The following AP3B1 variants were observed in gnomAD, a reference collection of about 807,000 sequenced individuals.
AP3B1 encodes AP-3 complex subunit beta-1.
In AP3B1, 61 loss-of-function variants were observed where a neutral mutation model predicts 132.5. The observed-to-expected ratio is 0.46, with a 90% CI of 0.37 to 0.57. AP3B1 has a LOEUF of 0.57. Among genes scored for constraint, AP3B1 ranks in the 20% least tolerant of loss-of-function variants. AP3B1 has a pLI of 0.00. For synonymous variants in AP3B1, 388 were observed against 438.3 expected (o/e 0.89, Z 1.43); for missense variants, 1,120 against 1,289.4 (o/e 0.87, Z 2.01).
intron 22 of AP3B1, among the ~76,000 whole-genome samples, chr5:78,068,357 AAAG>A (rs1419266870): frequency 1.5e-5 from 2 of 136,734 alleles, no homozygotes; most frequent in African/African-American, 2.8e-5. Flanking sequence ...AAAGAAGAAG[AAAG>A]AAGGAGAAGG....
chr5:78,229,755 T>C (rs1383263939), intron 3 of AP3B1, among the ~76,000 whole-genome samples: 1 of 151,328 alleles, frequency 6.6e-6, no homozygotes, highest in Admixed American at 6.6e-5. Flanking sequence ...TTTAAAAAAT[T>C]TAAAATTAAA....
chr5:78,244,393 ACAGAGTTTGAGACTC>A (rs982393095), intron 2 of AP3B1, among the ~76,000 whole-genome samples: 15 of 152,134 alleles, frequency 9.9e-5, no homozygotes, highest in African/African-American at 2.9e-4. Flanking sequence ...AGCCTGTGTG[ACAGAGTTTGAGACTC>A]CAACTCAAAA....
chr5:78,032,984 A>C (rs1336760135), intron 24 of AP3B1, among the ~76,000 whole-genome samples: 1 of 152,144 alleles, frequency 6.6e-6, no homozygotes, highest in Non-Finnish European at 1.5e-5. Flanking sequence ...TGTTCAAGAG[A>C]CTATAAAGGA....
intron 11 of AP3B1, among the ~76,000 whole-genome samples, chr5:78,169,582 C>A (rs897207394): frequency 6.6e-6 from 1 of 151,990 alleles, no homozygotes; most frequent in Non-Finnish European, 1.5e-5. Flanking sequence ...ACATCGGCCA[C>A]CACGCCTGGC....
chr5:78,021,043 A>G (rs1375209594), intron 24 of AP3B1, among the ~76,000 whole-genome samples: 1 of 152,108 alleles, frequency 6.6e-6, no homozygotes, highest in African/African-American at 2.4e-5. Flanking sequence ...ATCCCATTTG[A>G]AAAAGAACTT....
In AP3B1 at chr5:78,175,835, C is replaced by T. The variant is rs762833490; in HGVS notation, c.1044G>A (p.Glu348=). ...SLVRLLRSNR[E]VQYIVLQNIA... ...TATTTTGTAGGACAATATACTGCAC[C>T]TCCCTAGAAATCAAAAGATAATTTT... Residue 348 remains glutamate (E), a synonymous_variant, in exon 10 of 27, where the codon GAG becomes GAA. Transcript: ENST00000255194. The T allele has an allele frequency of 6.2e-7, 1 of 1,609,180 alleles. No individual in the cohort carries two copies. Among genetic ancestry groups the T allele is most frequent in the South Asian group, 1.1e-5 (1 of 90,934 alleles).
At position 78,251,831 on chromosome 5, in the gene AP3B1, A is replaced by G. The variant is rs558502637; in HGVS notation, c.205-10895T>C. Among the ~76,000 whole-genome samples, 62 of 152,326 alleles carry G rather than the reference A, an allele frequency of 4.1e-4. No individual in the cohort carries two copies. In the South Asian group the frequency reaches 0.011, roughly 28 times the overall value. On this transcript the variant is annotated intron_variant, in intron 2 of 26. Transcript: ENST00000255194. ...AGAGACAATGGAGGGAGCACGCAAC[A>G]TACTGAGATACCACCTGGGGCAGCC...
At chr5:78,279,726 T>C (rs1002674894) in intron 1 of AP3B1, among the ~76,000 whole-genome samples, 1 of 150,536 alleles carries the variant, frequency 6.6e-6, no homozygotes, top group African/African-American at 2.4e-5. Context: ...CTGGGCAACA[T>C]AGGGAGACCT....
chr5:78,162,892 T>C lies in AP3B1; in HGVS notation c.1290A>G (p.Arg430=). The change falls in exon 13 of 27, where the codon AGA becomes AGG. Residue 430 remains arginine, a synonymous_variant. Transcript: ENST00000255194. ...FAAATIQTIG[R]CATNILEVTD... ...TGACTTCCAAGATGTTGGTTGCACA[T>C]CTGCCTATAGTCTGAATAGTGGCTG... The C allele has an allele frequency of 6.2e-7, 1 of 1,613,974 alleles. No homozygotes were observed. Among genetic ancestry groups the C allele is most frequent in the East Asian group, 2.2e-5 (1 of 44,884 alleles).
chr5:78,278,951 T>C (rs1580584807), intron 1 of AP3B1, among the ~76,000 whole-genome samples: 2 of 152,148 alleles, frequency 1.3e-5, no homozygotes, highest in Non-Finnish European at 2.9e-5. Context: ...CCCCCTTCCA[T>C]GGAAAAACTG....
At position 78,002,545 on chromosome 5, in the gene AP3B1, GGAA is replaced by G. The variant is rs1227553036; in HGVS notation, c.*354_*356del. On this transcript the variant is annotated 3_prime_UTR_variant, in exon 27 of 27. Transcript: ENST00000255194. ...TGCTAATTTTTGCTTACTGCTGTAG[GGAA>G]GAAGATTTCCAATGAACTTTAAATA... The G allele has an allele frequency of 1.1e-5, 6 of 534,424 alleles. No homozygotes were observed. Among genetic ancestry groups the G allele is most frequent in the African/African-American group, 1.9e-5 (1 of 52,668 alleles). 33.1% of individuals were successfully genotyped at this position (534,424 alleles called of 1,614,324 possible). A position where few individuals can be genotyped will look rare whatever the true frequency, so the allele number is the denominator to read the frequency against.
chr5:78,036,478 G>C (rs963410639), intron 23 of AP3B1, among the ~76,000 whole-genome samples: 6 of 152,076 alleles, frequency 3.9e-5, no homozygotes, highest in African/African-American at 1.4e-4. Flanking sequence ...TTACTTTGAT[G>C]TAACAGTTGT....
chr5:78,169,814 T>C (rs1743832317), intron 11 of AP3B1, among the ~76,000 whole-genome samples: 1 of 152,074 alleles, frequency 6.6e-6, no homozygotes, highest in Admixed American at 6.6e-5. Context: ...CGTGCAGGTT[T>C]GATACATAGG....
At chr5:78,293,587 C>T (rs1377944050) in intron 1 of AP3B1, among the ~76,000 whole-genome samples, 1 of 152,170 alleles carries the variant, frequency 6.6e-6, no homozygotes, top group Non-Finnish European at 1.5e-5. Context: ...CACAGCTATT[C>T]TACCTTAATT....
intron 15 of AP3B1, among the ~76,000 whole-genome samples, chr5:78,129,674 A>G (rs898122181): frequency 7.2e-5 from 11 of 152,136 alleles, no homozygotes; most frequent in Non-Finnish European, 1.5e-4. Flanking sequence ...ACTTAATCGG[A>G]AAAATATGCA....
intron 7 of AP3B1, among the ~76,000 whole-genome samples, chr5:78,202,997 GA>G (rs1280074185): frequency 6.6e-6 from 1 of 152,154 alleles, no homozygotes; most frequent in East Asian, 1.9e-4. Context: ...TTTTGCCAAA[GA>G]AGAACTTACT....
chr5:78,201,714 C>T (rs183615859), intron 7 of AP3B1, among the ~76,000 whole-genome samples: 5 of 152,026 alleles, frequency 3.3e-5, no homozygotes, highest in African/African-American at 1.2e-4. Context: ...GATTAACAGA[C>T]GAGTAAATGG....
rs755942138 is a variant in AP3B1 at position 78,039,017 on chromosome 5, G to A, written c.2809+26C>T. Reference sequence around the variant, plus strand: ...ATATTTAGTGATCAAATATAGTTAAGGTTTTAAATGAGAATTAATATTTAC... The same window carrying A: ...ATATTTAGTGATCAAATATAGTTAAAGTTTTAAATGAGAATTAATATTTAC... On this transcript the variant is annotated intron_variant, in intron 23 of 26. Coordinates refer to ENST00000255194, the MANE Select transcript of AP3B1 (RefSeq NM_003664.5). 41 of 1,357,518 alleles carry A rather than the reference G, an allele frequency of 3.0e-5. No homozygotes were observed. The South Asian group carries it at 4.5e-4, about 15-fold the overall frequency. The allele number at this position is 1,357,518 out of a possible 1,614,324, so 84.1% of individuals were successfully genotyped here.
chr5:78,190,078 A>G (rs1187098795), intron 7 of AP3B1, among the ~76,000 whole-genome samples: 1 of 151,990 alleles, frequency 6.6e-6, no homozygotes, highest in African/African-American at 2.4e-5. Flanking sequence ...ATATAATATT[A>G]CAGAAATTGT....
Sources: allele counts gnomAD v4.1 joint callset (sites outside exome capture counted in the v4.1 genomes callset), GRCh38; gene constraint gnomAD v4.1.1; transcripts MANE v1.5; gene names NCBI Gene and HGNC (gene_info 2026-07-23, HGNC 2026-07-21).